Variants in PLCB1 observed in about 807,000 individuals in gnomAD.
PLCB1 encodes the protein phospholipase C beta 1.
A neutral mutation model predicts 161.8 loss-of-function variants in PLCB1; 46 were observed. That is an observed-to-expected ratio of 0.28 (90% CI 0.22 to 0.36). PLCB1 has a LOEUF of 0.36. Among genes scored for constraint, PLCB1 ranks in the 10% least tolerant of loss-of-function variants. The pLI, the probability that PLCB1 is intolerant of heterozygous loss-of-function variation, is 1.00. For missense variants in PLCB1, 1,016 were observed against 1,472.5 expected (o/e 0.69, Z 5.07); for synonymous variants, 517 against 503.7 (o/e 1.03, Z -0.35).
chr20:8,812,423 G>A (rs1303549534), intron 31 of PLCB1, among the ~76,000 whole-genome samples: 2 of 151,738 alleles, frequency 1.3e-5, no homozygotes, highest in African/African-American at 4.8e-5. Flanking sequence ...TGGTGTGAGC[G>A]GGGGCTGGTG....
At chr20:8,729,950 G>A (rs2123493310) in intron 18 of PLCB1, 1 of 152,006 alleles carries the variant, frequency 6.6e-6, no homozygotes, top group South Asian at 2.1e-4. Flanking sequence ...AGACAAAAAT[G>A]TGTTATTTCA....
At chr20:8,881,551 G>A in intron 31 of PLCB1, 71 bp from the exon 32 acceptor site, 1 of 1,111,436 alleles carries the variant, frequency 9.0e-7, no homozygotes, top group South Asian at 1.3e-5. Flanking sequence ...ATCTCTTTCA[G>A]AGAGTTTCTA....
intron 4 of PLCB1, among the ~76,000 whole-genome samples, chr20:8,638,937 A>G (rs1230584199): frequency 6.6e-6 from 1 of 151,898 alleles, no homozygotes; most frequent in Non-Finnish European, 1.5e-5. Context: ...GAGACAAATT[A>G]AGGATTTTTA....
chr20:8,823,924 A>G (rs1000595888), intron 31 of PLCB1, among the ~76,000 whole-genome samples: 5 of 151,840 alleles, frequency 3.3e-5, no homozygotes, highest in Non-Finnish European at 7.4e-5. Flanking sequence ...TTTGTTCCTT[A>G]GGTTCCTTAA....
intron 2 of PLCB1, among the ~76,000 whole-genome samples, chr20:8,274,661 A>T (rs1405798555): frequency 6.6e-6 from 1 of 152,088 alleles, no homozygotes; most frequent in East Asian, 1.9e-4. Flanking sequence ...CTATTTCATC[A>T]TCAAGGTCTA....
At chr20:8,564,148 T>C (rs1986245399) in intron 3 of PLCB1, among the ~76,000 whole-genome samples, 1 of 152,000 alleles carries the variant, frequency 6.6e-6, no homozygotes, top group Admixed American at 6.6e-5. Context: ...AAAACAGATA[T>C]ATAGACCAAT....
chr20:8,483,689 C>G (rs890655548), intron 3 of PLCB1, among the ~76,000 whole-genome samples: 1 of 151,898 alleles, frequency 6.6e-6, no homozygotes, highest in African/African-American at 2.4e-5. Flanking sequence ...TAATTCTGGC[C>G]ACATATATAA....
rs149336650 is a variant in PLCB1 at position 8,750,366 on chromosome 20, CT to C, written c.2524-6679del. Among the ~76,000 whole-genome samples the C allele has an allele frequency of 7.7e-3, 1,170 of 152,286 alleles. 15 individuals are homozygous for C. The highest frequency in any genetic ancestry group is 0.027 in the African/African-American group (1,128 of 41,546). ...AGCTGTCTCTTGCTTCTAACTCACC[CT>C]GGTAGACTCTTCAAAATTAGGAGTT... is the stretch of plus-strand genomic sequence containing the variant. On this transcript the variant is annotated intron_variant, in intron 23 of 31. Coordinates refer to ENST00000338037, the MANE Select transcript of PLCB1 (RefSeq NM_015192.4).
intron 3 of PLCB1, among the ~76,000 whole-genome samples, chr20:8,470,312 A>G (rs1981996643): frequency 6.6e-6 from 1 of 152,166 alleles, no homozygotes; most frequent in Non-Finnish European, 1.5e-5. Flanking sequence ...GACATATGGA[A>G]ACTATGTTTA....
chr20:8,555,588 T>C (rs1985925446), intron 3 of PLCB1, among the ~76,000 whole-genome samples: 4 of 152,262 alleles, frequency 2.6e-5, no homozygotes, highest in Admixed American at 1.3e-4. Flanking sequence ...CTCCATGTAT[T>C]TCCTATAAAT....
chr20:8,516,375 T>G (rs1217839929), intron 3 of PLCB1, among the ~76,000 whole-genome samples: 1 of 152,046 alleles, frequency 6.6e-6, no homozygotes, highest in Non-Finnish European at 1.5e-5. Flanking sequence ...TTGTGTTAAT[T>G]TTGCCCACAA....
At chr20:8,553,037 G>A (rs1172649070) in intron 3 of PLCB1, among the ~76,000 whole-genome samples, 7 of 152,068 alleles carry the variant, frequency 4.6e-5, no homozygotes, top group South Asian at 2.1e-4. Context: ...AAAACAGTCC[G>A]ATTTACATCC....
At chr20:8,811,185 G>A (rs114929036) in intron 31 of PLCB1, among the ~76,000 whole-genome samples, 2,053 of 152,194 alleles carry the variant, frequency 0.013, 24 homozygotes, top group Middle Eastern at 0.037. Flanking sequence ...GGTCATTATT[G>A]GCCTTGATCT....
chr20:8,146,949 C>T (rs1453254303), intron 1 of PLCB1, among the ~76,000 whole-genome samples: 2 of 152,114 alleles, frequency 1.3e-5, no homozygotes, highest in African/African-American at 2.4e-5. Flanking sequence ...TACAGACAAA[C>T]ATTTATCAGA....
chr20:8,737,700 A>G lies in PLCB1; in HGVS notation c.2208+508A>G, dbSNP rs147129112. Among the ~76,000 whole-genome samples, 368 of 152,290 alleles carry G rather than the reference A, an allele frequency of 2.4e-3. 1 individual carries two copies. Among genetic ancestry groups the G allele is most frequent in the African/African-American group, 8.5e-3 (354 of 41,558 alleles). On this transcript the variant is annotated intron_variant, in intron 20 of 31. Coordinates refer to ENST00000338037, the MANE Select transcript of PLCB1 (RefSeq NM_015192.4). ...CCTTCTCTTTCTTCACCAAAAAGCA[A>G]ATCTTCACACATGCTTATCATGTAA...
At chr20:8,683,650 TTTGTC>T (rs1225371101) in intron 9 of PLCB1, among the ~76,000 whole-genome samples, 5 of 152,086 alleles carry the variant, frequency 3.3e-5, no homozygotes, top group Admixed American at 3.3e-4. Flanking sequence ...ACAAAAGAAT[TTTGTC>T]AATATTTAGT....
At chr20:8,815,708 G>A (rs976595644) in intron 31 of PLCB1, among the ~76,000 whole-genome samples, 3 of 152,138 alleles carry the variant, frequency 2.0e-5, no homozygotes, top group Non-Finnish European at 2.9e-5. Context: ...ATCTTAGTGA[G>A]TTACAGTACA....
chr20:8,480,975 G>A lies in PLCB1; in HGVS notation c.246+109525G>A, dbSNP rs547562217. Among the ~76,000 whole-genome samples the A allele has an allele frequency of 1.1e-4, 17 of 152,144 alleles. 1 individual carries two copies. In the South Asian group the frequency reaches 2.9e-3, roughly 26 times the overall value. ...AAAAATTAGCTGGGCGTGGTGGTGC[G>A]TACCTGTAGTCCCACGTACTGGGGA... On this transcript the variant is annotated intron_variant, in intron 3 of 31. Coordinates refer to ENST00000338037, the MANE Select transcript of PLCB1 (RefSeq NM_015192.4).
At chr20:8,160,924 G>A (rs1308210909) in intron 2 of PLCB1, among the ~76,000 whole-genome samples, 1 of 151,974 alleles carries the variant, frequency 6.6e-6, no homozygotes, top group Non-Finnish European at 1.5e-5. Flanking sequence ...AGGCAAAAAT[G>A]CAAACTTTGA....
Sources: gnomAD v4.1 joint callset for allele counts (sites outside exome capture counted in the v4.1 genomes callset) on GRCh38, gnomAD v4.1.1 for gene constraint, MANE v1.5 for transcripts, NCBI Gene and HGNC (gene_info 2026-07-23, HGNC 2026-07-21) for gene names.